The following GNB4 variants were observed in gnomAD, a reference collection of about 807,000 sequenced individuals.
GNB4 encodes the protein G protein subunit beta 4.
Under a neutral mutation model 45.2 loss-of-function variants are expected in GNB4, and 28 were observed. That is an observed-to-expected ratio of 0.62 (90% CI 0.46 to 0.85). The LOEUF (loss-of-function observed/expected upper bound fraction) is 0.85, where lower values mean the gene tolerates loss of function less well. GNB4 is among the 40% of genes least tolerant of loss of function. The pLI is 0.00. For missense variants in GNB4, 321 were observed against 425.4 expected, an observed-to-expected ratio of 0.75 and a Z score of 2.16; for synonymous variants, 132 against 143.7, an observed-to-expected ratio of 0.92 and a Z score of 0.58.
chr3:179,425,455 G>C (rs1313575724), intron 2 of GNB4, among the ~76,000 whole-genome samples: 1 of 152,088 alleles, frequency 6.6e-6, no homozygotes, highest in Admixed American at 6.6e-5. Context: ...GACATGTTTT[G>C]ATTCTGCCAC....
At chr3:179,468,035 A>AAATATATATAT in the GNB4 span, among the ~76,000 whole-genome samples, 133 of 89,558 alleles carry the variant, frequency 1.5e-3, 5 homozygotes, top group Middle Eastern at 6.5e-3. Flanking sequence ...TGTTGATAAA[A>AAATATATATAT]ATATATATAT....
chr3:179,527,786 ATGTATGTGTGTGTG>A, the GNB4 span, among the ~76,000 whole-genome samples: 1 of 124,824 alleles, frequency 8.0e-6, no homozygotes, highest in South Asian at 3.2e-4. Context: ...GCGTGTGTGT[ATGTATGTGTGTGTG>A]TGTGTGTGTG....
Position 179,438,509 on chromosome 3 carries a change from A to G in GNB4, c.-42-12267T>C, listed in dbSNP as rs1277457574. ...AGCAAGGGAAATATATGAAGAAGCT[A>G]TAGCCATGAACACTACTCAGGCTAA... On this transcript the variant is annotated intron_variant, in intron 1 of 9. Coordinates refer to ENST00000232564, the MANE Select transcript of GNB4 (RefSeq NM_021629.4). Among the ~76,000 whole-genome samples the G allele has an allele frequency of 4.6e-5, 7 of 152,248 alleles. No homozygotes were observed. The East Asian group carries it at 1.2e-3, about 25-fold the overall frequency.
chr3:179,401,226 C>T lies in GNB4; in HGVS notation c.1010G>A (p.Arg337Lys). 1.9e-6 allele frequency: 3 copies of T among 1,611,624 alleles called. No individual in the cohort carries two copies. Among genetic ancestry groups the T allele is most frequent in the Non-Finnish European group, 2.5e-6 (3 of 1,178,112 alleles). Residue 337 changes from arginine (R) to lysine (K), a missense_variant, in exon 10 of 10, where the codon AGA becomes AAA. Transcript: ENST00000232564. ...TGTATGACACTGTTAATTCCAGATTCTAAGAAAACTGTCCCAAGAGCCTGT... is the reference window on the plus strand; with the variant it reads ...TGTATGACACTGTTAATTCCAGATTTTAAGAAAACTGTCCCAAGAGCCTGT... ...VATGSWDSFL[R>K]IWN
the GNB4 span, among the ~76,000 whole-genome samples, chr3:179,505,318 T>C: frequency 2.6e-5 from 4 of 152,200 alleles, no homozygotes; most frequent in Admixed American, 2.6e-4. Context: ...AAGCTTGGAT[T>C]TTGATAAAAT....
chr3:179,464,676 G>T, the GNB4 span: 1 of 1,084,080 alleles, frequency 9.2e-7, no homozygotes, highest in Non-Finnish European at 1.4e-6. Flanking sequence ...AATTTCAGAG[G>T]AAGAATTGTT....
At chr3:179,487,929 T>C in the GNB4 span, among the ~76,000 whole-genome samples, 1 of 152,024 alleles carries the variant, frequency 6.6e-6, no homozygotes. Context: ...CGCATGCCTG[T>C]AGTCCCAGTT....
At chr3:179,404,481 G>A (rs1714404274) in intron 9 of GNB4, among the ~76,000 whole-genome samples, 1 of 152,092 alleles carries the variant, frequency 6.6e-6, no homozygotes, top group Non-Finnish European at 1.5e-5. Flanking sequence ...GGCTGAGGCG[G>A]GAAGAAACCA....
intron 8 of GNB4, among the ~76,000 whole-genome samples, chr3:179,412,675 G>A: frequency 6.6e-6 from 1 of 152,078 alleles, no homozygotes; most frequent in East Asian, 1.9e-4. Context: ...TAGGTCCCGG[G>A]TTGCACTGAC....
chr3:179,513,189 A>ATTT, the GNB4 span, among the ~76,000 whole-genome samples: 31,018 of 123,024 alleles, frequency 0.25, 4,958 homozygotes, highest in East Asian at 0.53. Context: ...ATGTGCAGCA[A>ATTT]TTTTTTTTTT....
Position 179,397,171 on chromosome 3 carries a change from T to C in GNB4, c.*4042A>G, listed in dbSNP as rs1363160120. 6.6e-6 allele frequency: 1 copy of C among 152,210 alleles called. No individual in the cohort carries two copies. The highest frequency in any genetic ancestry group is 1.5e-5 in the Non-Finnish European group (1 of 68,034). 9.4% of individuals were successfully genotyped at this position (152,210 alleles called of 1,614,324 possible). On this transcript the variant is annotated 3_prime_UTR_variant, in exon 10 of 10. Transcript: ENST00000232564. ...CCAAATGGGGGATTGTTTAACCAGT[T>C]TTCCTAAGTTAAACCAAGAATAAGC...
the GNB4 span, among the ~76,000 whole-genome samples, chr3:179,478,188 T>C: frequency 1.2e-4 from 18 of 152,106 alleles, no homozygotes; most frequent in Non-Finnish European, 2.5e-4. Context: ...AAACCAACTC[T>C]CATGATGGCA....
At chr3:179,520,952 A>C in the GNB4 span, among the ~76,000 whole-genome samples, 3,369 of 152,228 alleles carry the variant, frequency 0.022, 119 homozygotes, top group East Asian at 0.18. Flanking sequence ...TCCATCGTGG[A>C]AATCTATCCT....
the GNB4 span, among the ~76,000 whole-genome samples, chr3:179,461,068 T>C: frequency 6.6e-6 from 1 of 152,164 alleles, no homozygotes; most frequent in South Asian, 2.1e-4. Flanking sequence ...GCTCCTCGAG[T>C]TCCTTCTGCT....
chr3:179,443,243 G>C (rs1041313610), intron 1 of GNB4, among the ~76,000 whole-genome samples: 7 of 152,104 alleles, frequency 4.6e-5, no homozygotes, highest in Non-Finnish European at 1.0e-4. Flanking sequence ...TTTAATAAAA[G>C]TAAAATATCT....
intron 2 of GNB4, among the ~76,000 whole-genome samples, chr3:179,422,486 CA>C (rs11400633): frequency 6.7e-6 from 1 of 148,400 alleles, no homozygotes; most frequent in Non-Finnish European, 1.5e-5. Flanking sequence ...CAAAACAAAA[CA>C]AAAAAAAGAA....
chr3:179,496,986 C>T, the GNB4 span, among the ~76,000 whole-genome samples: 1 of 151,950 alleles, frequency 6.6e-6, no homozygotes. Flanking sequence ...ACTAGAAGGA[C>T]CTAAAAGACA....
At position 179,420,892 on chromosome 3, in the gene GNB4, A is replaced by C. The variant is rs777147191; in HGVS notation, c.93T>G (p.Val31=). The stretch of plus-strand genomic sequence containing the variant: ...ATAAAGAAAAACAAAACTTTACCTG[A>C]ACAAGCGTTGCATCATTACATGCTT... ...ARKACNDATL[V]QITSNMDSVG... is the part of the protein sequence containing the mutation. The change falls in exon 3 of 10, where the codon GTT becomes GTG. Residue 31 remains valine, a synonymous_variant. Coordinates refer to ENST00000232564, the MANE Select transcript of GNB4 (RefSeq NM_021629.4). The C allele has an allele frequency of 6.3e-7, 1 of 1,587,922 alleles. No individual in the cohort carries two copies. The highest frequency in any genetic ancestry group is 1.7e-5 in the Admixed American group (1 of 58,386).
At chr3:179,510,668 C>T in the GNB4 span, among the ~76,000 whole-genome samples, 5 of 152,060 alleles carry the variant, frequency 3.3e-5, no homozygotes, top group Middle Eastern at 3.4e-3. Flanking sequence ...ACAAAATCTC[C>T]GTAGCCAGAA....
Sources: gnomAD v4.1 joint callset for allele counts (sites outside exome capture counted in the v4.1 genomes callset) on GRCh38, gnomAD v4.1.1 for gene constraint, MANE v1.5 for transcripts, NCBI Gene and HGNC (gene_info 2026-07-23, HGNC 2026-07-21) for gene names.